RORA: variants seen among roughly 807,000 people sequenced by gnomAD.
RORA encodes the protein RAR related orphan receptor A.
RORA carries 7 observed loss-of-function variants against 69.5 expected under a neutral mutation model. The ratio of observed to expected loss-of-function variants is 0.10; its 90% CI spans 0.06 to 0.19. The LOEUF (loss-of-function observed/expected upper bound fraction) is 0.19, where lower values mean the gene tolerates loss of function less well. Among genes scored for constraint, RORA ranks in the 10% least tolerant of loss-of-function variants. The pLI, the probability that RORA is intolerant of heterozygous loss-of-function variation, is 1.00. For missense variants in RORA, 457 were observed against 663.0 expected (o/e 0.69, Z 3.41); for synonymous variants, 261 against 240.8 (o/e 1.08, Z -0.78).
At chr15:60,805,674 T>A (rs547509046) in intron 1 of RORA, among the ~76,000 whole-genome samples, 2 of 152,204 alleles carry the variant, frequency 1.3e-5, no homozygotes, top group African/African-American at 4.8e-5. Flanking sequence ...GATTACATGG[T>A]AGGTCTATGA....
At chr15:61,200,083 G>A (rs565921377) in intron 1 of RORA, among the ~76,000 whole-genome samples, 2 of 152,314 alleles carry the variant, frequency 1.3e-5, no homozygotes, top group African/African-American at 2.4e-5. Context: ...CAGTAAGTCA[G>A]GGGTGACATG....
chr15:60,621,599 C>T (rs992788256), intron 2 of RORA, among the ~76,000 whole-genome samples: 9 of 152,072 alleles, frequency 5.9e-5, no homozygotes, highest in African/African-American at 2.2e-4. Context: ...ATCTTTGTCC[C>T]ACACCTGCTT....
chr15:60,555,301 G>T (rs933009935), intron 2 of RORA, among the ~76,000 whole-genome samples: 1 of 152,256 alleles, frequency 6.6e-6, no homozygotes, highest in East Asian at 1.9e-4. Context: ...TAAGTTAAAA[G>T]TGTCATAAAA....
At chr15:61,031,093 C>G (rs1332328156) in intron 1 of RORA, among the ~76,000 whole-genome samples, 1 of 152,118 alleles carries the variant, frequency 6.6e-6, no homozygotes, top group Non-Finnish European at 1.5e-5. Context: ...TACAAATTGT[C>G]ACTCTCTTGA....
intron 1 of RORA, among the ~76,000 whole-genome samples, chr15:60,921,962 AC>A (rs1380775181): frequency 6.6e-6 from 1 of 151,938 alleles, no homozygotes; most frequent in East Asian, 1.9e-4. Flanking sequence ...ACTATAACAG[AC>A]CCCCATGGAC....
At chr15:60,614,115 T>C (rs1041109169) in intron 2 of RORA, among the ~76,000 whole-genome samples, 2 of 152,202 alleles carry the variant, frequency 1.3e-5, no homozygotes, top group African/African-American at 4.8e-5. Flanking sequence ...ACAGGACTTT[T>C]GAACATTTAA....
intron 1 of RORA, among the ~76,000 whole-genome samples, chr15:60,690,343 A>G (rs2070805281): frequency 6.6e-6 from 1 of 152,182 alleles, no homozygotes; most frequent in Non-Finnish European, 1.5e-5. Context: ...ACTTAAAAGG[A>G]AGCTGTTCAC....
chr15:60,852,108 G>A (rs748540116), intron 1 of RORA, among the ~76,000 whole-genome samples: 4 of 152,170 alleles, frequency 2.6e-5, no homozygotes, highest in African/African-American at 4.8e-5. Context: ...GCACACCAGC[G>A]CTTGAACCTC....
chr15:60,782,558 G>T (rs944220362), intron 1 of RORA, among the ~76,000 whole-genome samples: 1 of 152,120 alleles, frequency 6.6e-6, no homozygotes, highest in African/African-American at 2.4e-5. Context: ...TGCAAAGGCG[G>T]TCATATGATA....
At chr15:60,598,196 TAC>T (rs1180457854) in intron 2 of RORA, among the ~76,000 whole-genome samples, 3 of 152,200 alleles carry the variant, frequency 2.0e-5, no homozygotes, top group Non-Finnish European at 4.4e-5. Flanking sequence ...CTTACATTGT[TAC>T]ACACACAGCA....
intron 1 of RORA, among the ~76,000 whole-genome samples, chr15:60,849,984 T>C (rs143347961): frequency 2.6e-5 from 4 of 152,296 alleles, no homozygotes; most frequent in Admixed American, 1.3e-4. Context: ...TGAGACGTCA[T>C]CATGAAGAGG....
chr15:60,526,772 C>T (rs544416623), intron 3 of RORA, among the ~76,000 whole-genome samples: 7 of 152,234 alleles, frequency 4.6e-5, no homozygotes, highest in South Asian at 2.1e-4. Context: ...AATTAGTTCA[C>T]GACTAGCAAC....
intron 1 of RORA, among the ~76,000 whole-genome samples, chr15:60,718,942 C>T (rs980329226): frequency 6.6e-6 from 1 of 151,994 alleles, no homozygotes; most frequent in African/African-American, 2.4e-5. Context: ...GTACAGGCTC[C>T]CGTGCCGTTC....
intron 1 of RORA, among the ~76,000 whole-genome samples, chr15:60,930,582 GAC>G (rs945705147): frequency 2.4e-4 from 37 of 152,298 alleles, no homozygotes; most frequent in Admixed American, 1.3e-4. Flanking sequence ...AACACTTCCG[GAC>G]ACCAGCCATT....
intron 1 of RORA, among the ~76,000 whole-genome samples, chr15:60,777,329 T>C (rs1035564495): frequency 4.6e-5 from 7 of 152,220 alleles, no homozygotes; most frequent in African/African-American, 1.2e-4. Flanking sequence ...CATGGTATCA[T>C]GGAAAATTGA....
intron 6 of RORA, 77 bp downstream of exon 6, chr15:60,505,431 T>C: frequency 2.1e-6 from 3 of 1,456,814 alleles, no homozygotes; most frequent in Non-Finnish European, 2.9e-6. Context: ...CTGTGTGAAC[T>C]CTTGACCAAC....
At chr15:60,740,165 G>A (rs563365783) in intron 1 of RORA, among the ~76,000 whole-genome samples, 1 of 152,070 alleles carries the variant, frequency 6.6e-6, no homozygotes, top group African/African-American at 2.4e-5. Context: ...GGCAACAAAG[G>A]CCTCTGAATT....
intron 1 of RORA, among the ~76,000 whole-genome samples, chr15:60,720,146 C>T (rs1433331501): frequency 6.6e-6 from 1 of 152,154 alleles, no homozygotes; most frequent in Non-Finnish European, 1.5e-5. Flanking sequence ...ACTGTAAACA[C>T]TAGGCCATGA....
chr15:60,597,551 C>CACACACAACATAT (rs1555435946), intron 2 of RORA, among the ~76,000 whole-genome samples: 2 of 25,130 alleles, frequency 8.0e-5, no homozygotes, highest in African/African-American at 1.4e-4. Flanking sequence ...ACACACACAA[C>CACACACAACATAT]ATATATATAT....
Sources: gnomAD v4.1 joint callset for allele counts (sites outside exome capture counted in the v4.1 genomes callset) on GRCh38, gnomAD v4.1.1 for gene constraint, MANE v1.5 for transcripts, NCBI Gene and HGNC (gene_info 2026-07-23, HGNC 2026-07-21) for gene names.